Variants in POU3F2 observed in about 807,000 individuals in gnomAD.
The protein encoded by POU3F2 is POU class 3 homeobox 2.
A neutral mutation model predicts 33.1 loss-of-function variants in POU3F2; 11 were observed. That is an observed-to-expected ratio of 0.33 (90% CI 0.21 to 0.55). The LOEUF (loss-of-function observed/expected upper bound fraction) is 0.55. POU3F2 is among the 20% of genes least tolerant of loss of function. The pLI, the probability that POU3F2 is intolerant of heterozygous loss-of-function variation, is 0.91. For missense variants in POU3F2, 456 were observed against 620.2 expected (o/e 0.74, Z 2.81); for synonymous variants, 332 against 289.6 (o/e 1.15, Z -1.49).
chr6:98,836,138 C>T lies in POU3F2; in HGVS notation c.1265C>T (p.Ala422Val). ...CCTCCCGGAGGGACTCTGCCGGGCGCCGAGGATGTGTACGGGGGGAGTAGG... is the reference window on the plus strand; with the variant it reads ...CCTCCCGGAGGGACTCTGCCGGGCGTCGAGGATGTGTACGGGGGGAGTAGG... ...MTPPGGTLPGAEDVYGGSRDT... is the reference protein window; with the variant it reads ...MTPPGGTLPGVEDVYGGSRDT... The change falls in exon 1 of 1, where the codon GCC (alanine) becomes GTC (valine). Residue 422 changes from alanine to valine, a missense_variant. Transcript: ENST00000328345. 1 of 1,604,920 alleles carries T rather than the reference C, an allele frequency of 6.2e-7. No individual in the cohort carries two copies. The highest frequency in any genetic ancestry group is 8.5e-7 in the Non-Finnish European group (1 of 1,177,848).
Position 98,835,276 on chromosome 6 carries a change from C to G in POU3F2, c.403C>G (p.Gln135Glu), listed in dbSNP as rs1769979070. Reference sequence around the variant, plus strand: ...GCAGCATCAGCAGCAGCAACAGCAACAGCAGCAGCAACAGCAGCAACAGCA... The same window carrying G: ...GCAGCATCAGCAGCAGCAACAGCAAGAGCAGCAGCAACAGCAGCAACAGCA... ...QQQHQQQQQQ[Q>E]QQQQQQQQQQ... is the part of the protein sequence containing the mutation. The change falls in exon 1 of 1, where the codon CAG becomes GAG. Residue 135 changes from glutamine (Q) to glutamate (E), a missense_variant. By Grantham distance (29) the Gln-to-Glu change is conservative. Transcript: ENST00000328345. The surrounding 1 kb of genome is among the most constrained non-coding windows in gnomAD (Gnocchi z 9.7). The G allele has an allele frequency of 6.5e-7, 1 of 1,545,706 alleles. No individual in the cohort carries two copies. The highest frequency in any genetic ancestry group is 2.5e-5 in the East Asian group (1 of 40,538).
At position 98,835,175 on chromosome 6, in the gene POU3F2, C is replaced by G; in HGVS notation, c.302C>G (p.Pro101Arg). The G allele has an allele frequency of 1.4e-6, 2 of 1,481,090 alleles. No homozygotes were observed. Among genetic ancestry groups the G allele is most frequent in the Non-Finnish European group, 1.8e-6 (2 of 1,120,042 alleles). 91.7% of individuals were successfully genotyped at this position (1,481,090 alleles called of 1,614,324 possible). ...SPWSTSPLGQPDIKPSVVVQQ... is the reference protein window; with the variant it reads ...SPWSTSPLGQRDIKPSVVVQQ... ...TGGTCCACCAGCCCCCTGGGCCAGC[C>G]GGACATCAAGCCCTCGGTGGTGGTG... The change falls in exon 1 of 1, where the codon CCG becomes CGG. Residue 101 changes from proline (P) to arginine (R), a missense_variant. Pro to Arg is a moderately radical substitution (Grantham distance 103). Coordinates refer to ENST00000328345, the MANE Select transcript of POU3F2 (RefSeq NM_005604.4). The surrounding 1 kb of genome is among the most constrained non-coding windows in gnomAD (Gnocchi z 9.7).
Position 98,837,894 on chromosome 6 carries a change from G to A in POU3F2, c.*1689G>A, listed in dbSNP as rs113027329. The A allele has an allele frequency of 4.8e-5, 8 of 166,766 alleles. No individual in the cohort carries two copies. The East Asian group carries it at 9.6e-4, about 20-fold the overall frequency. The allele number at this position is 166,766 out of a possible 1,614,324, so 10.3% of individuals were successfully genotyped here. ...TTAAAAGAAAAATCAGCACAAAAGGGCGCTAAAAGGGAAAACACTTTTTAT... is the reference window on the plus strand; with the variant it reads ...TTAAAAGAAAAATCAGCACAAAAGGACGCTAAAAGGGAAAACACTTTTTAT... On this transcript the variant is annotated 3_prime_UTR_variant, in exon 1 of 1. Transcript: ENST00000328345.
At position 98,838,592 on chromosome 6, in the gene POU3F2, G is replaced by A. The variant is rs1448216428; in HGVS notation, c.*2387G>A. The A allele has an allele frequency of 6.0e-6, 1 of 166,268 alleles. No homozygotes were observed. Among genetic ancestry groups the A allele is most frequent in the Non-Finnish European group, 1.5e-5 (1 of 68,058 alleles). 10.3% of individuals were successfully genotyped at this position (166,268 alleles called of 1,614,324 possible). ...ATTTCTTTTGAAACAAAAAGGTTCT[G>A]GAAACTGTTTTTCTGTAGCTTTAAA... On this transcript the variant is annotated 3_prime_UTR_variant, in exon 1 of 1. Transcript: ENST00000328345.
rs1443163156 is a variant in POU3F2 at position 98,835,269 on chromosome 6, ACAGCAACAGCAG to A, written c.411_422del (p.Gln146_Gln149del). 11 of 1,544,414 alleles carry A rather than the reference ACAGCAACAGCAG, an allele frequency of 7.1e-6. No homozygotes were observed. Among genetic ancestry groups the A allele is most frequent in the Admixed American group, 3.9e-5 (2 of 50,734 alleles). ...TGCAGCAGCAGCATCAGCAGCAGCA[ACAGCAACAGCAG>A]CAGCAACAGCAGCAACAGCAGCAGC... is the stretch of plus-strand genomic sequence containing the variant. On this transcript the variant is annotated inframe_deletion, in exon 1 of 1. Coordinates refer to ENST00000328345, the MANE Select transcript of POU3F2 (RefSeq NM_005604.4). This position sits in a 1 kb window ranked among gnomAD's most constrained non-coding sequence, Gnocchi z 9.7.
In POU3F2 at chr6:98,834,706, T is replaced by G; in HGVS notation, c.-168T>G. 3.0e-6 allele frequency: 2 copies of G among 672,246 alleles called. No homozygotes were observed. Among genetic ancestry groups the G allele is most frequent in the Non-Finnish European group, 4.9e-6 (2 of 412,102 alleles). 41.6% of individuals were successfully genotyped at this position (672,246 alleles called of 1,614,324 possible). A position where few individuals can be genotyped will look rare whatever the true frequency, so the allele number is the denominator to read the frequency against. ...GCGGCGGCGGCGGCAGCAGCAGCAGTAATAGCAGGAGCAGCAACAGAAGGC... is the reference window on the plus strand; with the variant it reads ...GCGGCGGCGGCGGCAGCAGCAGCAGGAATAGCAGGAGCAGCAACAGAAGGC... On this transcript the variant is annotated 5_prime_UTR_variant, in exon 1 of 1. Transcript: ENST00000328345.
At position 98,834,779 on chromosome 6, in the gene POU3F2, GA is replaced by G. The variant is rs983779231; in HGVS notation, c.-92del. The G allele has an allele frequency of 2.9e-6, 4 of 1,383,174 alleles. No homozygotes were observed. In the Admixed American group the frequency reaches 8.3e-5, roughly 29 times the overall value. The allele number at this position is 1,383,174 out of a possible 1,614,324, so 85.7% of individuals were successfully genotyped here. ...CCCGCTGTGGGAGAGAGAGGAGACA[GA>G]AAGAGCGAGCGAGGAGAGGGAGCCC... On this transcript the variant is annotated 5_prime_UTR_variant, in exon 1 of 1. Transcript: ENST00000328345.
chr6:98,836,842 T>C lies in POU3F2; in HGVS notation c.*637T>C, dbSNP rs570717366. On this transcript the variant is annotated 3_prime_UTR_variant, in exon 1 of 1. Coordinates refer to ENST00000328345, the MANE Select transcript of POU3F2 (RefSeq NM_005604.4). ...GGGGATTTTGTTTTGCTTTGCTTTATTCATCGGAGAGAGTTGAAGCCAGCT... is the reference window on the plus strand; with the variant it reads ...GGGGATTTTGTTTTGCTTTGCTTTACTCATCGGAGAGAGTTGAAGCCAGCT... The C allele has an allele frequency of 1.2e-5, 2 of 167,212 alleles. No homozygotes were observed. The highest frequency in any genetic ancestry group is 3.9e-4 in the East Asian group (2 of 5,194). The allele number at this position is 167,212 out of a possible 1,614,324, so 10.4% of individuals were successfully genotyped here.
chr6:98,835,930 C>T lies in POU3F2; in HGVS notation c.1057C>T (p.Arg353Cys). Residue 353 changes from arginine to cysteine, a missense_variant, in exon 1 of 1, where the codon CGC (arginine) becomes TGC (cysteine). Coordinates refer to ENST00000328345, the MANE Select transcript of POU3F2 (RefSeq NM_005604.4). The surrounding 1 kb of genome is among the most constrained non-coding windows in gnomAD (Gnocchi z 9.7). ...CATAGACAAGATCGCAGCGCAAGGG[C>T]GCAAGCGGAAAAAGCGGACCTCCAT... ...TSIDKIAAQG[R>C]KRKKRTSIEV... 2 of 1,614,134 alleles carry T rather than the reference C, an allele frequency of 1.2e-6. No homozygotes were observed. Among genetic ancestry groups the T allele is most frequent in the Non-Finnish European group, 1.7e-6 (2 of 1,180,038 alleles).
In POU3F2 at chr6:98,835,986, C is replaced by T. The variant is rs745999260; in HGVS notation, c.1113C>T (p.Ser371=). ...IEVSVKGALE[S]HFLKCPKPSA... ...TGAGCGTCAAGGGGGCTCTGGAGAG[C>T]CATTTCCTCAAATGCCCCAAGCCCT... The change falls in exon 1 of 1, where the codon AGC becomes AGT. Residue 371 remains serine, a synonymous_variant. Coordinates refer to ENST00000328345, the MANE Select transcript of POU3F2 (RefSeq NM_005604.4). The surrounding 1 kb of genome is among the most constrained non-coding windows in gnomAD (Gnocchi z 9.7). 1.2e-5 allele frequency: 19 copies of T among 1,613,670 alleles called. No homozygotes were observed. Among genetic ancestry groups the T allele is most frequent in the South Asian group, 8.8e-5 (8 of 91,060 alleles).
In POU3F2 at chr6:98,834,978, C is replaced by T; in HGVS notation, c.105C>T (p.Arg35=). 1 of 1,598,782 alleles carries T rather than the reference C, an allele frequency of 6.3e-7. No homozygotes were observed. Among genetic ancestry groups the T allele is most frequent in the Middle Eastern group, 1.7e-4 (1 of 6,016 alleles). Residue 35 remains arginine, a synonymous_variant, in exon 1 of 1, where the codon CGC becomes CGT. Coordinates refer to ENST00000328345, the MANE Select transcript of POU3F2 (RefSeq NM_005604.4). ...TGCAGCAGGGCGCGGGGGGCTACCGCGAAGCGCAGAGCCTGGTGCAGGGCG... is the reference window on the plus strand; with the variant it reads ...TGCAGCAGGGCGCGGGGGGCTACCGTGAAGCGCAGAGCCTGGTGCAGGGCG... The part of the protein sequence containing the change: ...GGMQQGAGGY[R]EAQSLVQGDY...
rs934099184 is a variant in POU3F2, at chr6:98,838,497, C to CT, written c.*2301dup. The stretch of plus-strand genomic sequence containing the variant: ...TTTAAATGTTTCTTTGTCTATTTTT[C>CT]TTTTTTTTTAATGCTACCCAGGGAA... On this transcript the variant is annotated 3_prime_UTR_variant, in exon 1 of 1. Transcript: ENST00000328345. The CT allele has an allele frequency of 5.1e-3, 838 of 164,064 alleles. 9 individuals are homozygous for CT. The highest frequency in any genetic ancestry group is 0.019 in the African/African-American group (769 of 41,018). 10.2% of individuals were successfully genotyped at this position (164,064 alleles called of 1,614,324 possible). A position where few individuals can be genotyped will look rare whatever the true frequency, so the allele number is the denominator to read the frequency against.
Position 98,835,269 on chromosome 6 carries a change from A to ACAGCAAGAGCAG in POU3F2, c.402_403insGAGCAGCAGCAA (p.Gln134_Gln135insGluGlnGlnGln). ...TGCAGCAGCAGCATCAGCAGCAGCA[A>ACAGCAAGAGCAG]CAGCAACAGCAGCAGCAACAGCAGC... is the stretch of plus-strand genomic sequence containing the variant. On this transcript the variant is annotated inframe_insertion, in exon 1 of 1. Transcript: ENST00000328345. The surrounding 1 kb of genome is among the most constrained non-coding windows in gnomAD (Gnocchi z 9.7). 1 of 1,544,530 alleles carries ACAGCAAGAGCAG rather than the reference A, an allele frequency of 6.5e-7. No homozygotes were observed. Among genetic ancestry groups the ACAGCAAGAGCAG allele is most frequent in the South Asian group, 1.2e-5 (1 of 83,612 alleles).
rs532298489 is a variant in POU3F2 at position 98,836,397 on chromosome 6, G to A, written c.*192G>A. The A allele has an allele frequency of 2.8e-4, 191 of 693,430 alleles. 1 individual carries two copies. In the African/African-American group the frequency reaches 3.2e-3, roughly 12 times the overall value. 43.0% of individuals were successfully genotyped at this position (693,430 alleles called of 1,614,324 possible). A position where few individuals can be genotyped will look rare whatever the true frequency, so the allele number is the denominator to read the frequency against. On this transcript the variant is annotated 3_prime_UTR_variant, in exon 1 of 1. Transcript: ENST00000328345. ...CTAAGACACTGGACTATCCTTTAAA[G>A]GTAGCAGGTGTAATGATGTGTTTTG...
At position 98,838,211 on chromosome 6, in the gene POU3F2, G is replaced by C. The variant is rs965767938; in HGVS notation, c.*2006G>C. On this transcript the variant is annotated 3_prime_UTR_variant, in exon 1 of 1. Coordinates refer to ENST00000328345, the MANE Select transcript of POU3F2 (RefSeq NM_005604.4). ...AAGGAGATGGGCACGGAGCTGCTTC[G>C]GGTGCATCACGCTGCTCGTTCCTGA... 2 of 166,996 alleles carry C rather than the reference G, an allele frequency of 1.2e-5. No homozygotes were observed. The highest frequency in any genetic ancestry group is 2.9e-5 in the Non-Finnish European group (2 of 68,116). The allele number at this position is 166,996 out of a possible 1,614,324, so 10.3% of individuals were successfully genotyped here.
In POU3F2 at chr6:98,836,479, G is replaced by A. The variant is rs1770001100; in HGVS notation, c.*274G>A. ...TGGAGTGTCTCCTGGAGAGAGTGAG[G>A]AGAGTGTGTGATAGCTAGAAAGAGA... On this transcript the variant is annotated 3_prime_UTR_variant, in exon 1 of 1. Transcript: ENST00000328345. 1 of 362,784 alleles carries A rather than the reference G, an allele frequency of 2.8e-6. No individual in the cohort carries two copies. The highest frequency in any genetic ancestry group is 4.9e-5 in the East Asian group (1 of 20,426). The allele number at this position is 362,784 out of a possible 1,614,324, so 22.5% of individuals were successfully genotyped here. A position where few individuals can be genotyped will look rare whatever the true frequency, so the allele number is the denominator to read the frequency against.
In POU3F2 at chr6:98,835,855, T is replaced by C; in HGVS notation, c.982T>C (p.Leu328=). ...GAACATGTGCAAGCTGAAGCCTTTG[T>C]TGAACAAGTGGTTGGAGGAGGCGGA... ...FKNMCKLKPL[L]NKWLEEADSS... is the part of the protein sequence containing the mutation. The change falls in exon 1 of 1, where the codon TTG becomes CTG. Residue 328 remains leucine (L), a synonymous_variant. Transcript: ENST00000328345. This position sits in a 1 kb window ranked among gnomAD's most constrained non-coding sequence, Gnocchi z 9.7. 6.2e-7 allele frequency: 1 copy of C among 1,614,176 alleles called. No individual in the cohort carries two copies. Among genetic ancestry groups the C allele is most frequent in the South Asian group, 1.1e-5 (1 of 91,084 alleles).
chr6:98,834,920 C>A lies in POU3F2; in HGVS notation c.47C>A (p.Ala16Asp). ...SNHYSLLTSS[A>D]SIVHAEPPGG... ...CACTACAGCCTGCTCACCTCCAGCGCCTCCATCGTGCACGCCGAGCCGCCC... is the reference window on the plus strand; with the variant it reads ...CACTACAGCCTGCTCACCTCCAGCGACTCCATCGTGCACGCCGAGCCGCCC... The change falls in exon 1 of 1, where the codon GCC becomes GAC. Residue 16 changes from alanine to aspartate, a missense_variant. Coordinates refer to ENST00000328345, the MANE Select transcript of POU3F2 (RefSeq NM_005604.4). 1 of 1,600,588 alleles carries A rather than the reference C, an allele frequency of 6.2e-7. No homozygotes were observed. The highest frequency in any genetic ancestry group is 8.5e-7 in the Non-Finnish European group (1 of 1,179,444).
rs746735872 is a variant in POU3F2, at chr6:98,834,918, C to A, written c.45C>A (p.Ser15Arg). The A allele has an allele frequency of 6.2e-7, 1 of 1,600,350 alleles. No homozygotes were observed. The highest frequency in any genetic ancestry group is 1.1e-5 in the South Asian group (1 of 91,066). ...ACCACTACAGCCTGCTCACCTCCAG[C>A]GCCTCCATCGTGCACGCCGAGCCGC... is the stretch of plus-strand genomic sequence containing the variant. ...ASNHYSLLTS[S>R]ASIVHAEPPG... Residue 15 changes from serine (S) to arginine (R), a missense_variant, in exon 1 of 1, where the codon AGC becomes AGA. Physicochemically the swap from Ser to Arg is moderately radical, Grantham distance 110. Coordinates refer to ENST00000328345, the MANE Select transcript of POU3F2 (RefSeq NM_005604.4).
Sources: gnomAD v4.1 joint callset for allele counts on GRCh38, gnomAD v4.1.1 for gene constraint, Gnocchi (gnomAD v3.1) non-coding constraint, MANE v1.5 for transcripts, NCBI Gene and HGNC (gene_info 2026-07-23, HGNC 2026-07-21) for gene names.